UMAD1: variants seen among roughly 807,000 people sequenced by gnomAD.
UMAD1 encodes UBAP1-MVB12-associated (UMA)-domain containing protein 1.
In UMAD1, 8 loss-of-function variants were observed where a neutral mutation model predicts 6.1. That is an observed-to-expected ratio of 1.30 (90% CI 0.76 to 2.35). The LOEUF (loss-of-function observed/expected upper bound fraction) is 2.35. Among genes scored for constraint, UMAD1 ranks in the 30% most tolerant of loss-of-function variants. The probability of loss-of-function intolerance (pLI) is 0.00; values close to 1 mark genes in which losing one functional copy is unlikely to be tolerated. For synonymous variants in UMAD1, 56 were observed against 31.4 expected (o/e 1.78, Z -2.61); for missense variants, 130 against 78.4 (o/e 1.66, Z -2.49).
At chr7:7,791,493 C>G (rs952663764) in intron 2 of UMAD1, among the ~76,000 whole-genome samples, 2 of 152,196 alleles carry the variant, frequency 1.3e-5, no homozygotes, top group African/African-American at 4.8e-5. Flanking sequence ...CAGTATTGTA[C>G]AAATGTACAT....
chr7:7,762,546 A>G (rs1451334446), intron 2 of UMAD1, among the ~76,000 whole-genome samples: 1 of 152,110 alleles, frequency 6.6e-6, no homozygotes, highest in Non-Finnish European at 1.5e-5. Flanking sequence ...CTTTGTGCAA[A>G]TTGCTATGGG....
At chr7:7,671,363 A>T (rs543578417) in intron 1 of UMAD1, among the ~76,000 whole-genome samples, 1 of 152,134 alleles carries the variant, frequency 6.6e-6, no homozygotes, top group Non-Finnish European at 1.5e-5. Context: ...CCACACCCTT[A>T]GTCTCTTTTT....
chr7:7,714,054 G>C (rs780927458), intron 2 of UMAD1, among the ~76,000 whole-genome samples: 1 of 152,180 alleles, frequency 6.6e-6, no homozygotes, highest in Non-Finnish European at 1.5e-5. Context: ...AATGTTTTAA[G>C]ATTTCCAAAA....
intron 2 of UMAD1, among the ~76,000 whole-genome samples, chr7:7,677,664 G>GTTTT (rs141602455): frequency 7.0e-5 from 8 of 113,498 alleles, no homozygotes; most frequent in African/African-American, 2.9e-4. Flanking sequence ...CTGTTTTTTT[G>GTTTT]TTTTTTTTTT....
chr7:7,693,556 T>G (rs1208330352), intron 2 of UMAD1, among the ~76,000 whole-genome samples: 1 of 152,182 alleles, frequency 6.6e-6, no homozygotes, highest in African/African-American at 2.4e-5. Context: ...AAACTAGAAC[T>G]TCCAGTGTAT....
chr7:7,800,197 C>A (rs1409054711), intron 2 of UMAD1, among the ~76,000 whole-genome samples: 2 of 152,152 alleles, frequency 1.3e-5, no homozygotes, highest in Non-Finnish European at 2.9e-5. Flanking sequence ...CACAGTTTTA[C>A]CATCAACTAC....
At chr7:7,872,268 T>C (rs981292650) in intron 3 of UMAD1, among the ~76,000 whole-genome samples, 15 of 152,224 alleles carry the variant, frequency 9.9e-5, no homozygotes, top group African/African-American at 1.9e-4. Context: ...ATAAAAGTTA[T>C]GCTTACACTA....
At chr7:7,756,140 G>A (rs62432646) in intron 2 of UMAD1, among the ~76,000 whole-genome samples, 9,084 of 152,198 alleles carry the variant, frequency 0.06, 361 homozygotes, top group Middle Eastern at 0.11. Context: ...TGTGAAGTTG[G>A]ACCCCAAAGG....
chr7:7,784,841 A>G (rs919565802), intron 2 of UMAD1, among the ~76,000 whole-genome samples: 44 of 132,358 alleles, frequency 3.3e-4, no homozygotes, highest in African/African-American at 1.3e-3. Context: ...GGCTCGCTGC[A>G]GGCTCCGCCC....
At chr7:7,854,738 A>G (rs1783982845) in intron 3 of UMAD1, among the ~76,000 whole-genome samples, 1 of 152,124 alleles carries the variant, frequency 6.6e-6, no homozygotes, top group African/African-American at 2.4e-5. Context: ...ACACAATCAT[A>G]TCCTCCCAAC....
At chr7:7,752,380 AAGAC>A (rs1292353251) in intron 2 of UMAD1, among the ~76,000 whole-genome samples, 1 of 152,170 alleles carries the variant, frequency 6.6e-6, no homozygotes, top group East Asian at 1.9e-4. Flanking sequence ...CGTATCGAGA[AAGAC>A]AACATAAAAT....
chr7:7,705,967 T>C (rs1348188782), intron 2 of UMAD1, among the ~76,000 whole-genome samples: 2 of 152,118 alleles, frequency 1.3e-5, no homozygotes, highest in African/African-American at 4.8e-5. Context: ...AAAAATAACC[T>C]CTGCTTTAAA....
intron 2 of UMAD1, among the ~76,000 whole-genome samples, chr7:7,747,321 ATTTG>A (rs1563174605): frequency 6.6e-6 from 1 of 152,172 alleles, no homozygotes; most frequent in African/African-American, 2.4e-5. Flanking sequence ...ATGGCACCTC[ATTTG>A]TTTAACACTT....
At chr7:7,769,676 T>A (rs1162885523) in intron 2 of UMAD1, among the ~76,000 whole-genome samples, 2 of 152,088 alleles carry the variant, frequency 1.3e-5, no homozygotes, top group African/African-American at 2.4e-5. Flanking sequence ...TAGGGGGAAG[T>A]GCATTTATGT....
Position 7,767,229 on chromosome 7 carries a change from A to G in UMAD1, c.83-34441A>G, listed in dbSNP as rs558940047. ...AAGCTCCGCCTCCCGGGTTCACGCC[A>G]TTCTCCTGCCTCAGCCTCCTGAGTA... On this transcript the variant is annotated intron_variant, in intron 2 of 3. Coordinates refer to ENST00000682710, the MANE Select transcript of UMAD1 (RefSeq NM_001302348.2). Among the ~76,000 whole-genome samples, 17 of 149,492 alleles carry G rather than the reference A, an allele frequency of 1.1e-4. No individual in the cohort carries two copies. In the East Asian group the frequency reaches 2.8e-3, roughly 24 times the overall value.
intron 2 of UMAD1, among the ~76,000 whole-genome samples, chr7:7,716,515 A>G (rs1780908258): frequency 2.6e-5 from 4 of 152,228 alleles, no homozygotes. Context: ...CCAATAGTAA[A>G]GGGCCACTTG....
chr7:7,707,741 C>A (rs1780642343), intron 2 of UMAD1, among the ~76,000 whole-genome samples: 1 of 152,066 alleles, frequency 6.6e-6, no homozygotes, highest in Non-Finnish European at 1.5e-5. Context: ...TAAAAATCGG[C>A]CAAGGTATCT....
chr7:7,789,890 G>T (rs1454601389), intron 2 of UMAD1, among the ~76,000 whole-genome samples: 1 of 152,114 alleles, frequency 6.6e-6, no homozygotes, highest in East Asian at 1.9e-4. Context: ...TGGCCATCGT[G>T]CATGGTGCTA....
At chr7:7,695,407 GTCTT>G (rs1405639611) in intron 2 of UMAD1, among the ~76,000 whole-genome samples, 1 of 152,090 alleles carries the variant, frequency 6.6e-6, no homozygotes, top group African/African-American at 2.4e-5. Context: ...TCCTAACCTT[GTCTT>G]TCTGTCTTTT....
Sources: allele counts gnomAD v4.1 joint callset (sites outside exome capture counted in the v4.1 genomes callset), GRCh38; gene constraint gnomAD v4.1.1; transcripts MANE v1.5; gene names NCBI Gene and HGNC (gene_info 2026-07-23, HGNC 2026-07-21).